ABAT: variants seen among roughly 807,000 people sequenced by gnomAD.
ABAT encodes 4-aminobutyrate aminotransferase, also known as 4-aminobutyrate aminotransferase, mitochondrial.
A neutral mutation model predicts 64.6 loss-of-function variants in ABAT; 45 were observed. The observed-to-expected ratio is 0.70, with a 90% CI of 0.55 to 0.89. The LOEUF is 0.89. ABAT is among the 40% of genes least tolerant of loss of function. ABAT has a pLI of 0.00. For synonymous variants in ABAT, 297 were observed against 250.5 expected (o/e 1.19, Z -1.75); for missense variants, 633 against 658.4 (o/e 0.96, Z 0.42).
intron 2 of ABAT, among the ~76,000 whole-genome samples, chr16:8,743,423 TTA>T (rs1182574273): frequency 0.017 from 755 of 45,258 alleles, 38 homozygotes; most frequent in African/African-American, 0.083. Flanking sequence ...ATGGAAACAG[TTA>T]TATATATATA....
intron 3 of ABAT, 90 bp from the exon 4 acceptor site, chr16:8,748,018 A>G (rs914173177): frequency 6.2e-6 from 8 of 1,293,466 alleles, no homozygotes; most frequent in Non-Finnish European, 8.9e-6. Context: ...AAAGAAAAAA[A>G]TGCCAAGACT....
chr16:8,744,321 C>G (rs556283755), intron 2 of ABAT, among the ~76,000 whole-genome samples: 1 of 151,998 alleles, frequency 6.6e-6, no homozygotes, highest in Non-Finnish European at 1.5e-5. Flanking sequence ...AAGCGAGGTG[C>G]CTCACATGGT....
intron 2 of ABAT, among the ~76,000 whole-genome samples, chr16:8,743,665 T>C (rs2059245738): frequency 1.1e-5 from 1 of 89,202 alleles, no homozygotes; most frequent in East Asian, 3.0e-4. Flanking sequence ...ATTTTAGTTA[T>C]AATATGTTAT....
chr16:8,709,935 C>G (rs1236403710), intron 1 of ABAT, among the ~76,000 whole-genome samples: 1 of 151,904 alleles, frequency 6.6e-6, no homozygotes, highest in Non-Finnish European at 1.5e-5. Flanking sequence ...GCCTGAGTAG[C>G]TGGGACTACA....
At chr16:8,715,633 TAAAAAAAAAAAA>T (rs61191788) in intron 1 of ABAT, 1 of 81,530 alleles carries the variant, frequency 1.2e-5, no homozygotes, top group Non-Finnish European at 2.3e-5. Context: ...ACCCTGTCTC[TAAAAAAAAAAAA>T]AAAAAAAAAA....
chr16:8,782,936 T>G lies in ABAT; in HGVS notation c.*1506T>G, dbSNP rs908499355. 7.0e-6 allele frequency: 1 copy of G among 143,718 alleles called. No individual in the cohort carries two copies. Among genetic ancestry groups the G allele is most frequent in the African/African-American group, 2.5e-5 (1 of 39,818 alleles). 8.9% of individuals were successfully genotyped at this position (143,718 alleles called of 1,614,324 possible). The stretch of plus-strand genomic sequence containing the variant: ...TCGTCCAAAGATCTCAAAGTAAGGG[T>G]TTTTTTTTTTAGCTTCCACTCTTCC... On this transcript the variant is annotated 3_prime_UTR_variant, in exon 16 of 16. Transcript: ENST00000268251.
chr16:8,743,485 TATA>T (rs1003528466), intron 2 of ABAT, among the ~76,000 whole-genome samples: 4 of 138,440 alleles, frequency 2.9e-5, no homozygotes, highest in African/African-American at 5.5e-5. Context: ...ATATTTTAGT[TATA>T]ATGTATTATA....
At position 8,764,891 on chromosome 16, in the gene ABAT, T is replaced by C. The variant is rs527558391; in HGVS notation, c.540+61T>C. 4.9e-6 allele frequency: 7 copies of C among 1,422,134 alleles called. No individual in the cohort carries two copies. The African/African-American group carries it at 8.5e-5, about 17-fold the overall frequency. The allele number at this position is 1,422,134 out of a possible 1,614,324, so 88.1% of individuals were successfully genotyped here. On this transcript the variant is annotated intron_variant, in intron 8 of 15. Transcript: ENST00000268251. This position sits in a 1 kb window ranked among gnomAD's most constrained non-coding sequence, Gnocchi z 4.2. ...GGCTCCCCAGCACCCAGCCACACGCTCACCCCTTGTCTGACTGTTCATTCC... is the reference window on the plus strand; with the variant it reads ...GGCTCCCCAGCACCCAGCCACACGCCCACCCCTTGTCTGACTGTTCATTCC...
intron 1 of ABAT, among the ~76,000 whole-genome samples, chr16:8,727,199 A>C (rs2058583586): frequency 6.6e-6 from 1 of 152,084 alleles, no homozygotes; most frequent in Non-Finnish European, 1.5e-5. Flanking sequence ...TCTGGATGCA[A>C]CTAGAGCAGC....
chr16:8,776,560 G>C lies in ABAT; in HGVS notation c.1269+70G>C, dbSNP rs1326075634. 2 of 1,459,628 alleles carry C rather than the reference G, an allele frequency of 1.4e-6. No homozygotes were observed. The highest frequency in any genetic ancestry group is 9.4e-7 in the Non-Finnish European group (1 of 1,069,190). The allele number at this position is 1,459,628 out of a possible 1,614,324, so 90.4% of individuals were successfully genotyped here. A position where few individuals can be genotyped will look rare whatever the true frequency, so the allele number is the denominator to read the frequency against. ...CGCAGCAGCCTCCGGGGCAACACTG[G>C]AGCTCTTCGGCATGGTGTTGTGCCT... is the stretch of plus-strand genomic sequence containing the variant. On this transcript the variant is annotated intron_variant, in intron 14 of 15. Transcript: ENST00000268251. This position sits in a 1 kb window ranked among gnomAD's most constrained non-coding sequence, Gnocchi z 4.4.
At chr16:8,777,205 G>A (rs1369979532) in intron 14 of ABAT, among the ~76,000 whole-genome samples, 1 of 152,092 alleles carries the variant, frequency 6.6e-6, no homozygotes, top group Non-Finnish European at 1.5e-5. Context: ...GCCCGGCCCT[G>A]GTTATCTTTT....
chr16:8,706,060 G>T (rs2057933825), intron 1 of ABAT, among the ~76,000 whole-genome samples: 1 of 152,042 alleles, frequency 6.6e-6, no homozygotes, highest in Non-Finnish European at 1.5e-5. Flanking sequence ...TGCCTGTTGG[G>T]AGTGTTGGGC....
At position 8,750,065 on chromosome 16, in the gene ABAT, A is replaced by G. The variant is rs2059434882; in HGVS notation, c.199-357A>G. ...TTAAGTGAGTACTTTGCAGTGTAAC[A>G]TTTTTATTTCTTTAATGATTACTAC... is the stretch of plus-strand genomic sequence containing the variant. On this transcript the variant is annotated intron_variant, in intron 4 of 15. Coordinates refer to ENST00000268251, the MANE Select transcript of ABAT (RefSeq NM_020686.6). 2.6e-5 allele frequency among the ~76,000 whole-genome samples: 4 copies of G among 152,258 alleles called. No individual in the cohort carries two copies. The South Asian group carries it at 8.3e-4, about 32-fold the overall frequency.
intron 1 of ABAT, among the ~76,000 whole-genome samples, chr16:8,676,921 G>A (rs984544584): frequency 3.9e-5 from 6 of 152,210 alleles, no homozygotes; most frequent in African/African-American, 1.4e-4. Context: ...AGATTCTCTA[G>A]GACCACCCAG....
chr16:8,745,820 C>A (rs1255755632), intron 2 of ABAT, among the ~76,000 whole-genome samples, 181 bp from the exon 3 acceptor site: 1 of 152,192 alleles, frequency 6.6e-6, no homozygotes, highest in Non-Finnish European at 1.5e-5. Flanking sequence ...TTTTTAAAAT[C>A]TACAGTGTCC....
intron 3 of ABAT, 38 bp downstream of exon 3, chr16:8,746,136 G>C: frequency 1.3e-6 from 2 of 1,542,574 alleles, no homozygotes; most frequent in Admixed American, 1.7e-5. Context: ...TTTTGGAAAA[G>C]GGAAAAAGGC....
In ABAT at chr16:8,737,956, G is replaced by A. The variant is rs866845305; in HGVS notation, c.70+2147G>A. On this transcript the variant is annotated intron_variant, in intron 2 of 15. Coordinates refer to ENST00000268251, the MANE Select transcript of ABAT (RefSeq NM_020686.6). ...AAAAGAAAGGAAAGGAAGAAAGGAA[G>A]GAAGGAAGGAAGGAAGGAAGGAAGG... 2.4e-3 allele frequency among the ~76,000 whole-genome samples: 42 copies of A among 17,462 alleles called. 2 individuals carry two copies. The highest frequency in any genetic ancestry group is 0.012 in the African/African-American group (41 of 3,498). 11.5% of individuals were successfully genotyped at this position (17,462 alleles called of 152,430 possible).
chr16:8,701,274 G>A (rs1323687315), intron 1 of ABAT, among the ~76,000 whole-genome samples: 1 of 152,224 alleles, frequency 6.6e-6, no homozygotes, highest in Admixed American at 6.5e-5. Context: ...GACTGTGAAG[G>A]AAACATGTTC....
At chr16:8,716,762 A>G (rs529636179) in intron 1 of ABAT, among the ~76,000 whole-genome samples, 114 of 152,330 alleles carry the variant, frequency 7.5e-4, no homozygotes, top group African/African-American at 2.7e-3. Flanking sequence ...AGACAGGCCC[A>G]GGCAGGCCGT....
Sources: gnomAD v4.1 joint callset for allele counts (sites outside exome capture counted in the v4.1 genomes callset) on GRCh38, gnomAD v4.1.1 for gene constraint, Gnocchi (gnomAD v3.1) non-coding constraint, MANE v1.5 for transcripts, NCBI Gene and HGNC (gene_info 2026-07-23, HGNC 2026-07-21) for gene names.